The following LDB2 variants were observed in gnomAD, a reference collection of about 807,000 sequenced individuals.
The protein encoded by LDB2 is LIM domain-binding protein 2.
LDB2 carries 12 observed loss-of-function variants against 44.3 expected under a neutral mutation model. The observed-to-expected ratio is 0.27, with a 90% CI of 0.17 to 0.44. The LOEUF (loss-of-function observed/expected upper bound fraction) is 0.44. LDB2 is among the 20% of genes least tolerant of loss of function. LDB2 has a pLI of 1.00. For missense variants in LDB2, 344 were observed against 473.5 expected (o/e 0.73, Z 2.54); for synonymous variants, 164 against 174.8 (o/e 0.94, Z 0.49).
intron 5 of LDB2, among the ~76,000 whole-genome samples, chr4:16,573,554 T>C (rs1228112314): frequency 6.6e-6 from 1 of 152,190 alleles, no homozygotes; most frequent in African/African-American, 2.4e-5. Flanking sequence ...GACAGATTGG[T>C]ACCAGACAGT....
intron 1 of LDB2, among the ~76,000 whole-genome samples, chr4:16,838,866 G>A: frequency 6.6e-6 from 1 of 152,222 alleles, no homozygotes; most frequent in East Asian, 1.9e-4. Flanking sequence ...AATAGGCATA[G>A]TCATATCAGT....
At position 16,805,931 on chromosome 4, in the gene LDB2, G is replaced by A. The variant is rs1354802245; in HGVS notation, c.133-46671C>T. On this transcript the variant is annotated intron_variant, in intron 1 of 7. Transcript: ENST00000304523. Reference sequence around the variant, plus strand: ...CTCTCTTCTCTGACTGAAAACCATAGGCTGTCCTGAAGTGTCACAGCCTCC... The same window carrying A: ...CTCTCTTCTCTGACTGAAAACCATAAGCTGTCCTGAAGTGTCACAGCCTCC... Among the ~76,000 whole-genome samples the A allele has an allele frequency of 7.9e-5, 12 of 152,200 alleles. No homozygotes were observed. In the East Asian group the frequency reaches 2.3e-3, roughly 29 times the overall value.
At chr4:16,888,555 A>G (rs1322222242) in intron 1 of LDB2, 3 of 205,832 alleles carry the variant, frequency 1.5e-5, no homozygotes, top group African/African-American at 2.4e-5. Flanking sequence ...CAAACTCAAG[A>G]GTCCTAGATC....
At chr4:16,811,838 T>C (rs948237976) in intron 1 of LDB2, among the ~76,000 whole-genome samples, 1 of 152,208 alleles carries the variant, frequency 6.6e-6, no homozygotes, top group African/African-American at 2.4e-5. Flanking sequence ...GAAAGCACTT[T>C]CTTAGACTTG....
chr4:16,588,053 A>G (rs1466494883), intron 4 of LDB2, among the ~76,000 whole-genome samples: 2 of 146,822 alleles, frequency 1.4e-5, no homozygotes, highest in East Asian at 2.0e-4. Flanking sequence ...AGAGACTTAA[A>G]TTTAAGTTGA....
intron 1 of LDB2, among the ~76,000 whole-genome samples, chr4:16,769,930 A>G (rs577220997): frequency 6.6e-6 from 1 of 152,214 alleles, no homozygotes; most frequent in Non-Finnish European, 1.5e-5. Context: ...TATCCAGTAG[A>G]CACAGCTCTT....
At chr4:16,567,369 T>A (rs1021405049) in intron 5 of LDB2, among the ~76,000 whole-genome samples, 1 of 63,534 alleles carries the variant, frequency 1.6e-5, no homozygotes, top group African/African-American at 3.9e-5. Context: ...AGACATAGAG[T>A]GTGTGTGTGT....
At chr4:16,524,908 T>C (rs12644698) in intron 5 of LDB2, among the ~76,000 whole-genome samples, 13,083 of 152,238 alleles carry the variant, frequency 0.086, 749 homozygotes, top group East Asian at 0.29. Flanking sequence ...TTATAGCATA[T>C]TGGTTATTCT....
intron 2 of LDB2, among the ~76,000 whole-genome samples, chr4:16,708,692 G>A (rs1340532561): frequency 6.6e-6 from 1 of 151,928 alleles, no homozygotes; most frequent in Non-Finnish European, 1.5e-5. Flanking sequence ...AGAGTCAAAA[G>A]GAAAGACAAT....
At chr4:16,548,940 C>A (rs1400134373) in intron 5 of LDB2, among the ~76,000 whole-genome samples, 1 of 152,030 alleles carries the variant, frequency 6.6e-6, no homozygotes, top group Non-Finnish European at 1.5e-5. Flanking sequence ...AGAACAAGAC[C>A]CCAAGACCTA....
At chr4:16,657,935 C>T (rs1046104207) in intron 2 of LDB2, among the ~76,000 whole-genome samples, 2 of 152,174 alleles carry the variant, frequency 1.3e-5, no homozygotes, top group Admixed American at 1.3e-4. Flanking sequence ...ATAAGAAAGA[C>T]ATGTTTCTGT....
chr4:16,742,361 C>T (rs1444423716), intron 2 of LDB2, among the ~76,000 whole-genome samples: 2 of 152,148 alleles, frequency 1.3e-5, no homozygotes, highest in East Asian at 1.9e-4. Flanking sequence ...TTAGCCACCG[C>T]GCCCAGCCAA....
At chr4:16,671,883 G>A (rs1009278148) in intron 2 of LDB2, among the ~76,000 whole-genome samples, 3 of 151,996 alleles carry the variant, frequency 2.0e-5, no homozygotes, top group African/African-American at 7.3e-5. Flanking sequence ...CACACAGAAT[G>A]AAAGTGGGCT....
chr4:16,508,565 A>C lies in LDB2; in HGVS notation c.861T>G (p.Ala287=). 6.2e-7 allele frequency: 1 copy of C among 1,607,406 alleles called. No individual in the cohort carries two copies. Among genetic ancestry groups the C allele is most frequent in the East Asian group, 2.2e-5 (1 of 44,598 alleles). The change falls in exon 7 of 8, where the codon GCT becomes GCG. Residue 287 remains alanine (A), a synonymous_variant. Coordinates refer to ENST00000304523, the MANE Select transcript of LDB2 (RefSeq NM_001290.5). ...CCTGACTGGACAGACTCAGGTTTGCAGCTGTGGTCTTCTTCTTGCTGCCAG... is the reference window on the plus strand; with the variant it reads ...CCTGACTGGACAGACTCAGGTTTGCCGCTGTGGTCTTCTTCTTGCTGCCAG... ...NSTGSKKKTT[A]ANLSLSSQVP... is the part of the protein sequence containing the mutation.
chr4:16,588,370 C>T (rs1717750619), intron 4 of LDB2, among the ~76,000 whole-genome samples: 1 of 152,154 alleles, frequency 6.6e-6, no homozygotes, highest in Admixed American at 6.5e-5. Flanking sequence ...CCCAGTTATA[C>T]ATAACAGGTT....
chr4:16,744,259 TG>T (rs1475523844), intron 2 of LDB2, among the ~76,000 whole-genome samples: 2 of 146,458 alleles, frequency 1.4e-5, no homozygotes, highest in East Asian at 2.1e-4. Context: ...TGGGTTCAAG[TG>T]ATTCTCGTGC....
At chr4:16,886,047 C>G (rs1357059721) in intron 1 of LDB2, among the ~76,000 whole-genome samples, 1 of 152,042 alleles carries the variant, frequency 6.6e-6, no homozygotes, top group Non-Finnish European at 1.5e-5. Context: ...GAAATTCTAT[C>G]TCTACAATTT....
chr4:16,542,155 G>A (rs898694696), intron 5 of LDB2, among the ~76,000 whole-genome samples: 7 of 150,406 alleles, frequency 4.7e-5, no homozygotes, highest in Non-Finnish European at 1.0e-4. Flanking sequence ...CTAGAAGGCA[G>A]CCTCATTTAC....
chr4:16,785,336 T>C (rs144387580), intron 1 of LDB2, among the ~76,000 whole-genome samples: 86 of 152,210 alleles, frequency 5.7e-4, no homozygotes, highest in Non-Finnish European at 9.3e-4. Context: ...AATCACTTCC[T>C]GGGTCCAAGT....
Sources: allele counts gnomAD v4.1 joint callset (sites outside exome capture counted in the v4.1 genomes callset), GRCh38; gene constraint gnomAD v4.1.1; transcripts MANE v1.5; gene names NCBI Gene and HGNC (gene_info 2026-07-23, HGNC 2026-07-21).